The following UBAP2 variants were observed in gnomAD, a reference collection of about 807,000 sequenced individuals.
UBAP2 encodes the protein ubiquitin-associated protein 2.
UBAP2 carries 75 observed loss-of-function variants against 139.6 expected under a neutral mutation model. That is an observed-to-expected ratio of 0.54 (90% CI 0.45 to 0.65). UBAP2 has a LOEUF of 0.65. Among genes scored for constraint, UBAP2 ranks in the 30% least tolerant of loss-of-function variants. UBAP2 has a pLI of 0.00. For missense variants in UBAP2, 1,368 were observed against 1,369.6 expected, an observed-to-expected ratio of 1.00 and a Z score of 0.02; for synonymous variants, 526 against 526.2, an observed-to-expected ratio of 1.00 and a Z score of 0.01.
In UBAP2 at chr9:33,944,475, T is replaced by C. The variant is rs779429504; in HGVS notation, c.1435A>G (p.Lys479Glu). 20 of 1,614,002 alleles carry C rather than the reference T, an allele frequency of 1.2e-5. No individual in the cohort carries two copies. Among genetic ancestry groups the C allele is most frequent in the Non-Finnish European group, 1.7e-6 (2 of 1,180,030 alleles). Residue 479 changes from lysine to glutamate, a missense_variant, in exon 14 of 29, where the codon AAG (lysine) becomes GAG (glutamate). Physicochemically the swap from Lys to Glu is moderately conservative, Grantham distance 56. Transcript: ENST00000379238. ...GTCGTGCTGGGAAGCTGCAAAAGCT[T>C]GTTCACAGTGGAGGGACTGTCTCCA... is the stretch of plus-strand genomic sequence containing the variant. The part of the protein sequence containing the change: ...TPGDSPSTVN[K>E]LLQLPSTTIE...
intron 16 of UBAP2, among the ~76,000 whole-genome samples, chr9:33,936,856 G>A (rs959503359): frequency 1.5e-4 from 21 of 137,816 alleles, no homozygotes; most frequent in African/African-American, 5.4e-4. Flanking sequence ...TACTCAGAAC[G>A]CTGGAACAGG....
intron 1 of UBAP2, among the ~76,000 whole-genome samples, chr9:34,025,642 C>G (rs1758632): frequency 0.6 from 91,487 of 152,092 alleles, 27,908 homozygotes; most frequent in East Asian, 0.81. Flanking sequence ...GAAAGAAAGT[C>G]TCCGGCCGAA....
At chr9:33,948,260 A>G in intron 13 of UBAP2, 114 bp downstream of exon 13, 3 of 878,742 alleles carry the variant, frequency 3.4e-6, no homozygotes, top group Non-Finnish European at 5.0e-6. Context: ...CAAGAGTTCT[A>G]CTAAAAAGAA....
chr9:33,922,447 G>T lies in UBAP2; in HGVS notation c.*57C>A. The T allele has an allele frequency of 6.5e-7, 1 of 1,542,344 alleles. No individual in the cohort carries two copies. The highest frequency in any genetic ancestry group is 8.9e-7 in the Non-Finnish European group (1 of 1,127,226). On this transcript the variant is annotated 3_prime_UTR_variant, in exon 29 of 29. Coordinates refer to ENST00000379238, the MANE Select transcript of UBAP2 (RefSeq NM_001370062.2). ...GCACTGGGCTCCCAAATACGTGCTC[G>T]TGTGTTCTCTCCTGCCCAGGATAAG...
chr9:34,017,572 T>C (rs141035311), intron 1 of UBAP2, among the ~76,000 whole-genome samples: 46 of 152,268 alleles, frequency 3.0e-4, no homozygotes, highest in African/African-American at 1.1e-3. Flanking sequence ...CAATTTAAAA[T>C]GTGTCAAGAA....
At chr9:33,938,147 C>A (rs889927078) in intron 16 of UBAP2, among the ~76,000 whole-genome samples, 3 of 151,910 alleles carry the variant, frequency 2.0e-5, no homozygotes, top group African/African-American at 4.8e-5. Context: ...CAGGTCTGTA[C>A]CATCACACCT....
chr9:33,939,748 AG>A (rs1193220378), intron 16 of UBAP2, among the ~76,000 whole-genome samples: 2 of 44,466 alleles, frequency 4.5e-5, no homozygotes, highest in East Asian at 6.8e-4. Flanking sequence ...GGGAGGGAGA[AG>A]GGGGGGAGGG....
intron 9 of UBAP2, among the ~76,000 whole-genome samples, chr9:33,962,680 A>ATAAATAAATAAATAATTAAT (rs368021223): frequency 3.9e-4 from 57 of 145,656 alleles, no homozygotes; most frequent in South Asian, 1.7e-3. Flanking sequence ...AAATAAATAA[A>ATAAATAAATAAATAATTAAT]TAATTAAAAA....
chr9:34,033,868 T>C (rs561817386), intron 1 of UBAP2, among the ~76,000 whole-genome samples: 1 of 152,060 alleles, frequency 6.6e-6, no homozygotes, highest in South Asian at 2.1e-4. Flanking sequence ...CCCAAGTAGC[T>C]GGGATTACAG....
rs545963764 is a variant in UBAP2, at chr9:33,944,632, T to A, written c.1278A>T (p.Lys426Asn). 6.2e-7 allele frequency: 1 copy of A among 1,611,724 alleles called. No individual in the cohort carries two copies. Among genetic ancestry groups the A allele is most frequent in the South Asian group, 1.1e-5 (1 of 91,042 alleles). ...GAACTGGGGATGGCTCAGGTTGAGA[T>A]TTGAAGTCTAAAAAAAGTAAGCAGC... The part of the protein sequence containing the change: ...QSSVLSHLDF[K>N]SQPEPSPVLS... Residue 426 changes from lysine (K) to asparagine (N), a missense_variant, in exon 14 of 29, where the codon AAA (lysine) becomes AAT (asparagine). By Grantham distance (94) the Lys-to-Asn change is moderately conservative. Transcript: ENST00000379238.
At chr9:33,956,018 T>C (rs1826532099) in intron 11 of UBAP2, 61 bp downstream of exon 11, 1 of 1,356,710 alleles carries the variant, frequency 7.4e-7, no homozygotes, top group Non-Finnish European at 1.0e-6. Context: ...ATACTTTTCC[T>C]GAGGCAAAAG....
chr9:33,933,723 C>T, intron 17 of UBAP2, 95 bp from the exon 18 acceptor site: 1 of 1,530,926 alleles, frequency 6.5e-7, no homozygotes, highest in Non-Finnish European at 8.8e-7. Context: ...TGTGACATGT[C>T]AGCCTCAGTT....
At chr9:33,941,509 C>T (rs1363161414) in intron 16 of UBAP2, 140 bp downstream of exon 16, 2 of 735,804 alleles carry the variant, frequency 2.7e-6, no homozygotes, top group African/African-American at 1.8e-5. Context: ...TATAAACAAA[C>T]TCAATGAACT....
chr9:33,951,840 A>G (rs988558761), intron 12 of UBAP2, among the ~76,000 whole-genome samples: 8 of 152,302 alleles, frequency 5.3e-5, no homozygotes, highest in African/African-American at 1.9e-4. Flanking sequence ...GATTTCAGCA[A>G]GGGCATTACA....
chr9:33,927,103 T>TG, intron 20 of UBAP2, 23 bp from the exon 21 acceptor site: 1 of 1,563,226 alleles, frequency 6.4e-7, no homozygotes, highest in Non-Finnish European at 8.7e-7. Flanking sequence ...AAAAATCAAA[T>TG]GGAGTGAAAT....
chr9:34,006,102 G>A (rs530718324), intron 2 of UBAP2, among the ~76,000 whole-genome samples: 40 of 152,008 alleles, frequency 2.6e-4, no homozygotes, highest in Non-Finnish European at 1.0e-4. Context: ...GCATGGTGGC[G>A]TGCACCTGTA....
At position 33,989,401 on chromosome 9, in the gene UBAP2, T is replaced by C. The variant is rs987628685; in HGVS notation, c.289-275A>G. On this transcript the variant is annotated intron_variant, in intron 4 of 28. Transcript: ENST00000379238. Reference sequence around the variant, plus strand: ...TATTTTTAGTGGAGATGGGGTTTCATCGTGTTAGCCATGATGGTCTCGATC... The same window carrying C: ...TATTTTTAGTGGAGATGGGGTTTCACCGTGTTAGCCATGATGGTCTCGATC... 2.7e-4 allele frequency among the ~76,000 whole-genome samples: 41 copies of C among 152,170 alleles called. 1 individual carries two copies. In the Middle Eastern group the frequency reaches 0.024, roughly 88 times the overall value.
chr9:33,989,164 A>T, intron 4 of UBAP2, 38 bp from the exon 5 acceptor site: 5 of 1,564,466 alleles, frequency 3.2e-6, no homozygotes, highest in Non-Finnish European at 4.3e-6. Flanking sequence ...TTATCATTCA[A>T]AGTGTGTACA....
At chr9:33,976,906 G>C (rs199992495) in intron 6 of UBAP2, among the ~76,000 whole-genome samples, 1 of 151,790 alleles carries the variant, frequency 6.6e-6, no homozygotes, top group Non-Finnish European at 1.5e-5. Context: ...CAGCTATTAG[G>C]GAGGCTGAGG....
Sources: gnomAD v4.1 joint callset for allele counts (sites outside exome capture counted in the v4.1 genomes callset) on GRCh38, gnomAD v4.1.1 for gene constraint, MANE v1.5 for transcripts, NCBI Gene and HGNC (gene_info 2026-07-23, HGNC 2026-07-21) for gene names.